NLRP5: variants seen among roughly 807,000 people sequenced by gnomAD.
NLRP5 encodes NLR family pyrin domain containing 5.
A neutral mutation model predicts 113.1 loss-of-function variants in NLRP5; 93 were observed. The observed-to-expected ratio is 0.82, with a 90% CI of 0.70 to 0.98. NLRP5 has a LOEUF of 0.98. Ranked by LOEUF, NLRP5 falls within the 50% of genes least tolerant of loss-of-function variation. NLRP5 has a pLI of 0.00. For synonymous variants in NLRP5, 751 were observed against 600.7 expected (o/e 1.25, Z -3.66); for missense variants, 1,808 against 1,514.3 (o/e 1.19, Z -3.22).
At chr19:55,993,782 A>T in the NLRP5 span, among the ~76,000 whole-genome samples, 43,650 of 150,270 alleles carry the variant, frequency 0.29, 7,140 homozygotes, top group East Asian at 0.45. Context: ...GCTGTAGCTC[A>T]CATGAAGAGC....
rs372921383 is a variant in NLRP5, at chr19:56,012,276, G to A, written c.508+3423G>A. 4.7e-4 allele frequency among the ~76,000 whole-genome samples: 71 copies of A among 152,080 alleles called. 1 individual carries two copies. Among genetic ancestry groups the A allele is most frequent in the African/African-American group, 1.7e-3 (70 of 41,502 alleles). ...CCATTCTCCTGCCTCAGCCTCCCAAGTAGCTGGGACTATAGGCACCTGCCA... is the reference window on the plus strand; with the variant it reads ...CCATTCTCCTGCCTCAGCCTCCCAAATAGCTGGGACTATAGGCACCTGCCA... On this transcript the variant is annotated intron_variant, in intron 3 of 14. Coordinates refer to ENST00000390649, the MANE Select transcript of NLRP5 (RefSeq NM_153447.4).
intron 11 of NLRP5, among the ~76,000 whole-genome samples, chr19:56,041,659 C>G (rs1236265493): frequency 6.6e-6 from 1 of 152,068 alleles, no homozygotes; most frequent in African/African-American, 2.4e-5. Flanking sequence ...TTAAACAACA[C>G]TATTGCAGCG....
Position 56,003,808 on chromosome 19 carries a change from T to C in NLRP5, c.155T>C (p.Met52Thr), listed in dbSNP as rs752189640. The C allele has an allele frequency of 2.5e-6, 4 of 1,613,996 alleles. No individual in the cohort carries two copies. Among genetic ancestry groups the C allele is most frequent in the Non-Finnish European group, 3.4e-6 (4 of 1,179,900 alleles). Residue 52 changes from methionine (M) to threonine (T), a missense_variant, in exon 2 of 15, where the codon ATG (methionine) becomes ACG (threonine). By Grantham distance (81) the Met-to-Thr change is moderately conservative (BLOSUM62 -1). Transcript: ENST00000390649. ...CTGAGCTCTCAGCCTTGTATCAAGA[T>C]GGAAGGAGACAAATCGCTCACCTTT...
At chr19:56,054,386 T>C (rs150452664) in intron 13 of NLRP5, among the ~76,000 whole-genome samples, 1,934 of 152,120 alleles carry the variant, frequency 0.013, 40 homozygotes, top group African/African-American at 0.044. Flanking sequence ...TGGGAAACCC[T>C]GTCTCTACTA....
intron 8 of NLRP5, among the ~76,000 whole-genome samples, chr19:56,033,049 C>G (rs964381015): frequency 1.3e-5 from 2 of 151,950 alleles, no homozygotes; most frequent in East Asian, 3.9e-4. Context: ...AGTTCAAGAC[C>G]AGCCTGGCCA....
intron 11 of NLRP5, among the ~76,000 whole-genome samples, chr19:56,043,667 G>A (rs1983608576): frequency 1.4e-5 from 2 of 144,892 alleles, no homozygotes; most frequent in Non-Finnish European, 3.0e-5. Flanking sequence ...CTGGGTTCAT[G>A]CCATTCTCCT....
chr19:55,998,328 G>A (rs1241053427), upstream of NLRP5, among the ~76,000 whole-genome samples: 1 of 152,066 alleles, frequency 6.6e-6, no homozygotes, highest in East Asian at 1.9e-4. Flanking sequence ...CCACACTCCA[G>A]CCTGAGGGAC....
At chr19:56,032,551 C>A in intron 7 of NLRP5, 60 bp from the exon 8 acceptor site, 1 of 1,506,794 alleles carries the variant, frequency 6.6e-7, no homozygotes, top group Non-Finnish European at 9.1e-7. Flanking sequence ...GACGTGTTGC[C>A]ACGACTGCTC....
intron 5 of NLRP5, 89 bp downstream of exon 5, chr19:56,019,487 A>G: frequency 7.1e-7 from 1 of 1,399,618 alleles, no homozygotes; most frequent in South Asian, 1.2e-5. Flanking sequence ...AAGGGTATGT[A>G]GTTTAGATTG....
At chr19:56,061,345 G>T in intron 14 of NLRP5, 51 bp from the exon 15 acceptor site, 2 of 1,590,334 alleles carry the variant, frequency 1.3e-6, no homozygotes, top group African/African-American at 2.7e-5. Context: ...GAAGAAGGGA[G>T]AAGAGTCGAA....
At chr19:56,001,194 G>A (rs182251242) in intron 1 of NLRP5, among the ~76,000 whole-genome samples, 272 of 146,918 alleles carry the variant, frequency 1.9e-3, no homozygotes, top group Non-Finnish European at 3.6e-3. Context: ...GTGCAGTGAT[G>A]CAAGCCTGTG....
chr19:56,012,474 C>T (rs1599882201), intron 3 of NLRP5, among the ~76,000 whole-genome samples: 1 of 138,184 alleles, frequency 7.2e-6, no homozygotes, highest in South Asian at 2.2e-4. Flanking sequence ...TTCCGGATAA[C>T]TCGATGCAGG....
chr19:56,027,247 G>C lies in NLRP5; in HGVS notation c.1014G>C (p.Arg338Ser). ...GCAGTGTCACAGAGTTCATCTCCAG[G>C]GAGTGGCCAGACTCCCAGGCTCCGG... The change falls in exon 7 of 15, where the codon AGG (arginine) becomes AGC (serine). Residue 338 changes from arginine to serine, a missense_variant. Coordinates refer to ENST00000390649, the MANE Select transcript of NLRP5 (RefSeq NM_153447.4). 1 of 1,612,604 alleles carries C rather than the reference G, an allele frequency of 6.2e-7. No individual in the cohort carries two copies.
chr19:56,035,540 G>T (rs1469816815), intron 9 of NLRP5, among the ~76,000 whole-genome samples: 1 of 152,214 alleles, frequency 6.6e-6, no homozygotes, highest in Non-Finnish European at 1.5e-5. Context: ...GATAGACATT[G>T]TCGGAAAAGA....
In NLRP5 at chr19:56,058,379, G is replaced by T. The variant is rs775027130; in HGVS notation, c.3439G>T (p.Ala1147Ser). The change falls in exon 14 of 15, where the codon GCC becomes TCC. Residue 1147 changes from alanine (A) to serine (S), a missense_variant. Physicochemically the swap from Ala to Ser is moderately conservative, Grantham distance 99. Transcript: ENST00000390649. ...AATGATGAAGCTGTGTTCGGCCTTT[G>T]CCTGTCCCACGTCTAACTTACAGAT... The T allele has an allele frequency of 6.2e-7, 1 of 1,613,900 alleles. No individual in the cohort carries two copies. The highest frequency in any genetic ancestry group is 8.5e-7 in the Non-Finnish European group (1 of 1,179,838).
At chr19:56,014,711 T>C (rs1982339749) in intron 3 of NLRP5, among the ~76,000 whole-genome samples, 1 of 152,214 alleles carries the variant, frequency 6.6e-6, no homozygotes, top group African/African-American at 2.4e-5. Flanking sequence ...CTAGATATTC[T>C]TGTCTAAAAT....
chr19:56,033,402 CACTCAGGTATTCGTTGTTTTAAA>C, intron 8 of NLRP5, 117 bp from the exon 9 acceptor site: 2 of 678,848 alleles, frequency 2.9e-6, no homozygotes, highest in Non-Finnish European at 5.2e-6. Context: ...CCATCACAGG[CACTCAGGTATTCGTTGTTTTAAA>C]AGGAAATACA....
rs1369241301 is a variant in NLRP5 at position 56,027,378 on chromosome 19, C to T, written c.1145C>T (p.Ala382Val). The change falls in exon 7 of 15, where the codon GCT (alanine) becomes GTT (valine). Residue 382 changes from alanine (A) to valine (V), a missense_variant. Physicochemically the swap from Ala to Val is moderately conservative, Grantham distance 64. Coordinates refer to ENST00000390649, the MANE Select transcript of NLRP5 (RefSeq NM_153447.4). Reference sequence around the variant, plus strand: ...GACACAAAGCTCTGCAAAGACTGGGCTGAGAAGCAGCCTCCGTTCACCCTC... The same window carrying T: ...GACACAAAGCTCTGCAAAGACTGGGTTGAGAAGCAGCCTCCGTTCACCCTC... 2 of 1,613,378 alleles carry T rather than the reference C, an allele frequency of 1.2e-6. No individual in the cohort carries two copies. The highest frequency in any genetic ancestry group is 1.7e-5 in the Admixed American group (1 of 59,934).
At chr19:56,041,248 C>A (rs554010121) in intron 11 of NLRP5, among the ~76,000 whole-genome samples, 156 bp downstream of exon 11, 2 of 152,234 alleles carry the variant, frequency 1.3e-5, no homozygotes, top group South Asian at 4.2e-4. Context: ...TAGGTTTCAT[C>A]CTTTCTTGGA....
Sources: allele counts gnomAD v4.1 joint callset (sites outside exome capture counted in the v4.1 genomes callset), GRCh38; gene constraint gnomAD v4.1.1; transcripts MANE v1.5; gene names NCBI Gene and HGNC (gene_info 2026-07-23, HGNC 2026-07-21).